The following DLG2 variants were observed in gnomAD, a reference collection of about 807,000 sequenced individuals.
DLG2 encodes discs large MAGUK scaffold protein 2.
A neutral mutation model predicts 132.5 loss-of-function variants in DLG2; 45 were observed. The observed-to-expected ratio is 0.34, with a 90% CI of 0.27 to 0.44. The LOEUF is 0.44. DLG2 is among the 20% of genes least tolerant of loss of function. The pLI is 1.00. For synonymous variants in DLG2, 424 were observed against 419.6 expected (o/e 1.01, Z -0.13); for missense variants, 1,045 against 1,196.9 (o/e 0.87, Z 1.87).
intron 8 of DLG2, among the ~76,000 whole-genome samples, chr11:84,168,300 C>G (rs2095719149): frequency 6.6e-6 from 1 of 152,238 alleles, no homozygotes; most frequent in South Asian, 2.1e-4. Flanking sequence ...TCTATTTACT[C>G]TTTGTCGTTT....
intron 3 of DLG2, among the ~76,000 whole-genome samples, chr11:85,583,728 T>C (rs2078780305): frequency 6.6e-6 from 1 of 152,188 alleles, no homozygotes; most frequent in African/African-American, 2.4e-5. Flanking sequence ...GAGATACTCA[T>C]GAGATACTTT....
chr11:84,954,045 C>T (rs1352924050), intron 6 of DLG2, among the ~76,000 whole-genome samples: 1 of 152,104 alleles, frequency 6.6e-6, no homozygotes, highest in Non-Finnish European at 1.5e-5. Context: ...TTTACCTTTC[C>T]GCTTGATTTT....
intron 9 of DLG2, among the ~76,000 whole-genome samples, chr11:84,147,533 T>C (rs1249951857): frequency 2.6e-5 from 4 of 152,174 alleles, no homozygotes; most frequent in Non-Finnish European, 5.9e-5. Flanking sequence ...AACACTGTAA[T>C]TTCTTATCTA....
intron 7 of DLG2, among the ~76,000 whole-genome samples, chr11:84,268,379 C>T (rs1209043891): frequency 6.6e-6 from 1 of 151,820 alleles, no homozygotes; most frequent in African/African-American, 2.4e-5. Flanking sequence ...AAGAATAACG[C>T]TCTCTGAGGT....
chr11:84,758,581 A>G (rs915200393), intron 6 of DLG2, among the ~76,000 whole-genome samples: 1 of 152,110 alleles, frequency 6.6e-6, no homozygotes, highest in African/African-American at 2.4e-5. Context: ...CTTACCCTAT[A>G]GTTTTCTCCC....
intron 7 of DLG2, among the ~76,000 whole-genome samples, chr11:84,415,598 T>C (rs1251424150): frequency 6.6e-6 from 1 of 152,142 alleles, no homozygotes; most frequent in African/African-American, 2.4e-5. Flanking sequence ...ATTCTAAGAA[T>C]TAGGATTCGT....
chr11:83,720,326 A>AAAAAAAAAAAAAAT (rs1593067642), intron 18 of DLG2, among the ~76,000 whole-genome samples: 1 of 138,640 alleles, frequency 7.2e-6, no homozygotes, highest in African/African-American at 2.8e-5. Context: ...AAAAAAAAAA[A>AAAAAAAAAAAAAAT]GAATGACATT....
intron 6 of DLG2, among the ~76,000 whole-genome samples, chr11:85,064,573 G>A (rs71469663): frequency 6.6e-6 from 1 of 151,780 alleles, no homozygotes; most frequent in East Asian, 1.9e-4. Context: ...CCATCCCCTA[G>A]GGAGTGAAAA....
chr11:85,152,333 C>T (rs1169274614), intron 5 of DLG2, among the ~76,000 whole-genome samples: 1 of 151,910 alleles, frequency 6.6e-6, no homozygotes, highest in Non-Finnish European at 1.5e-5. Context: ...CTCCACCTCC[C>T]AGGTTCAAGT....
chr11:84,306,053 A>T (rs1342004640), intron 7 of DLG2, among the ~76,000 whole-genome samples: 1 of 152,000 alleles, frequency 6.6e-6, no homozygotes, highest in East Asian at 1.9e-4. Flanking sequence ...GACCAACATC[A>T]CTCCTTTTCT....
intron 14 of DLG2, among the ~76,000 whole-genome samples, chr11:83,946,234 C>T (rs990729592): frequency 3.9e-5 from 6 of 152,092 alleles, no homozygotes; most frequent in African/African-American, 1.4e-4. Context: ...GTAATCTACC[C>T]GCCTTGGACT....
At chr11:83,531,328 AT>A (rs1238713543) in intron 21 of DLG2, among the ~76,000 whole-genome samples, 3 of 152,186 alleles carry the variant, frequency 2.0e-5, no homozygotes, top group East Asian at 3.9e-4. Flanking sequence ...AGACAACCCA[AT>A]TTAAAAATGG....
At chr11:84,136,351 C>A (rs752685513) in intron 9 of DLG2, among the ~76,000 whole-genome samples, 1 of 152,074 alleles carries the variant, frequency 6.6e-6, no homozygotes, top group East Asian at 1.9e-4. Flanking sequence ...TTACTAAAAT[C>A]TTTTGTTTTC....
intron 6 of DLG2, among the ~76,000 whole-genome samples, chr11:84,573,302 T>A (rs1446635914): frequency 6.6e-6 from 1 of 152,146 alleles, no homozygotes; most frequent in African/African-American, 2.4e-5. Context: ...GTGATATCAA[T>A]TTTCCATTTA....
chr11:84,121,878 A>G (rs2093940659), intron 9 of DLG2, among the ~76,000 whole-genome samples: 1 of 151,368 alleles, frequency 6.6e-6, no homozygotes, highest in African/African-American at 2.4e-5. Context: ...GCTAACTTTT[A>G]AAGATAATAT....
chr11:83,460,060 A>C (rs1214553958), intron 27 of DLG2, 136 bp from the exon 28 acceptor site: 1 of 559,704 alleles, frequency 1.8e-6, no homozygotes, highest in African/African-American at 1.9e-5. Flanking sequence ...TTCATTAGTA[A>C]GAAGAAGCAG....
chr11:83,850,161 T>TGTGTGTGTGTG (rs58290466), intron 16 of DLG2, among the ~76,000 whole-genome samples: 1,859 of 126,750 alleles, frequency 0.015, 44 homozygotes, highest in African/African-American at 0.03. Flanking sequence ...TGTGTGTGTG[T>TGTGTGTGTGTG]TTTTTTACTT....
intron 10 of DLG2, among the ~76,000 whole-genome samples, chr11:84,096,110 T>C (rs1289870156): frequency 6.6e-6 from 1 of 152,184 alleles, no homozygotes; most frequent in African/African-American, 2.4e-5. Flanking sequence ...TTTTAGAGAA[T>C]ACCTAAGCGA....
At chr11:83,776,023 T>C (rs913005125) in intron 18 of DLG2, among the ~76,000 whole-genome samples, 42 of 151,906 alleles carry the variant, frequency 2.8e-4, no homozygotes, top group Admixed American at 7.2e-4. Flanking sequence ...ACCCAGGAGG[T>C]GGAGCTTGCA....
Sources: gnomAD v4.1 joint callset for allele counts (sites outside exome capture counted in the v4.1 genomes callset) on GRCh38, gnomAD v4.1.1 for gene constraint, MANE v1.5 for transcripts, NCBI Gene and HGNC (gene_info 2026-07-23, HGNC 2026-07-21) for gene names.